TBC1D8B: variants seen among roughly 807,000 people sequenced by gnomAD.
TBC1D8B encodes the protein RP11-321G1.1.
In TBC1D8B, 75 loss-of-function variants were observed where a neutral mutation model predicts 82.9. The observed-to-expected ratio is 0.90, with a 90% confidence interval of 0.75 to 1.10. The LOEUF is 1.10. Ranked by LOEUF, TBC1D8B falls within the 50% of genes least tolerant of loss-of-function variation. The pLI, the probability that TBC1D8B is intolerant of heterozygous loss-of-function variation, is 0.00. For missense variants in TBC1D8B, 794 were observed against 796.9 expected, an observed-to-expected ratio of 1.00 and a Z score of 0.04; for synonymous variants, 276 against 276.8, an observed-to-expected ratio of 1.00 and a Z score of 0.03.
chrX:106,847,710 A>G (rs1329410156), intron 10 of TBC1D8B, among the ~76,000 whole-genome samples: 2 of 111,483 alleles, frequency 1.8e-5, no homozygotes, highest in African/African-American at 3.3e-5. Context: ...CAAAACTAGG[A>G]TAGGTAAGAA....
chrX:106,862,627 C>G (rs1392582995), intron 14 of TBC1D8B, among the ~76,000 whole-genome samples: 1 of 110,429 alleles, frequency 9.1e-6, no homozygotes, highest in Non-Finnish European at 1.9e-5. Flanking sequence ...CTAAGAACCA[C>G]TGCTGGGGAA....
chrX:106,813,063 G>T (rs1448537339), intron 1 of TBC1D8B, among the ~76,000 whole-genome samples: 2 of 111,287 alleles, frequency 1.8e-5, no homozygotes, highest in Non-Finnish European at 3.8e-5. Context: ...TCACCATATT[G>T]GTCAGGCTGG....
At chrX:106,824,868 T>G (rs1367112706) in intron 5 of TBC1D8B, among the ~76,000 whole-genome samples, 2 of 111,847 alleles carry the variant, frequency 1.8e-5, no homozygotes, top group Non-Finnish European at 3.8e-5. Context: ...ATTGCTCTGC[T>G]TATTGTTTTT....
chrX:106,836,339 A>G (rs1253892118), intron 7 of TBC1D8B, among the ~76,000 whole-genome samples: 2 of 111,478 alleles, frequency 1.8e-5, no homozygotes, highest in Non-Finnish European at 3.8e-5. Flanking sequence ...ATCTGGTCCC[A>G]TGCTTGACAC....
Position 106,839,197 on chromosome X carries a change from ATTTG to A in TBC1D8B, c.1204-108_1204-105del. On this transcript the variant is annotated intron_variant, in intron 7 of 20. Transcript: ENST00000357242. ...TATGTCTCTGAGATATTGCTTTAATATTTGTTATGTATACAGATTGTGGCTTATA... is the reference window on the plus strand; with the variant it reads ...TATGTCTCTGAGATATTGCTTTAATATTATGTATACAGATTGTGGCTTATA... The A allele has an allele frequency of 3.7e-6, 3 of 811,263 alleles. No individual in the cohort carries two copies. The South Asian group carries it at 1.5e-4, about 41-fold the overall frequency. The allele number at this position is 811,263 out of a possible 1,213,427, so 66.9% of individuals were successfully genotyped here.
At chrX:106,821,902 T>C in intron 3 of TBC1D8B, 75 bp from the exon 4 acceptor site, 1 of 851,401 alleles carries the variant, frequency 1.2e-6, no homozygotes, top group East Asian at 3.2e-5. Context: ...TTGTATTCAA[T>C]CAACTGTTTG....
intron 14 of TBC1D8B, among the ~76,000 whole-genome samples, chrX:106,861,121 G>T (rs1169108839): frequency 1.8e-5 from 2 of 111,759 alleles, no homozygotes; most frequent in East Asian, 5.6e-4. Context: ...TTTTGAATTT[G>T]CTGAGGATTG....
chrX:106,837,755 T>C (rs1932207322), intron 7 of TBC1D8B, among the ~76,000 whole-genome samples: 1 of 111,760 alleles, frequency 8.9e-6, no homozygotes, highest in African/African-American at 3.2e-5. Context: ...CATAATGTTC[T>C]CCATGTTCAT....
chrX:106,869,406 G>A (rs1362240698), intron 18 of TBC1D8B, 79 bp from the exon 19 acceptor site: 8 of 868,139 alleles, frequency 9.2e-6, no homozygotes, highest in African/African-American at 6.0e-5. Context: ...GTGCTTATAC[G>A]TCTATATGAA....
At chrX:106,807,792 C>G (rs1426803569) in intron 1 of TBC1D8B, among the ~76,000 whole-genome samples, 2 of 111,481 alleles carry the variant, frequency 1.8e-5, no homozygotes, top group Non-Finnish European at 3.8e-5. Flanking sequence ...GTGGCTCACG[C>G]CTGTAATCCC....
chrX:106,812,137 C>T (rs1931399565), intron 1 of TBC1D8B, among the ~76,000 whole-genome samples: 1 of 111,693 alleles, frequency 9.0e-6, no homozygotes, highest in African/African-American at 3.2e-5. Flanking sequence ...AAAATGCCAA[C>T]TGTGGCTATT....
rs1472593539 is a variant in TBC1D8B, at chrX:106,829,018, C to T, written c.1203+1681C>T. ...AAGTCAAATTGTCCCTGTTTGCAGA[C>T]GACATGATTGTATATCTAGAAAACC... On this transcript the variant is annotated intron_variant, in intron 7 of 20. Coordinates refer to ENST00000357242, the MANE Select transcript of TBC1D8B (RefSeq NM_017752.3). 3.6e-4 allele frequency: 39 copies of T among 107,288 alleles called. 1 individual carries two copies. Among genetic ancestry groups the T allele is most frequent in the East Asian group, 2.6e-3 (9 of 3,497 alleles). 8.8% of individuals were successfully genotyped at this position (107,288 alleles called of 1,213,427 possible). A position where few individuals can be genotyped will look rare whatever the true frequency, so the allele number is the denominator to read the frequency against.
At chrX:106,810,991 G>A (rs191929005) in intron 1 of TBC1D8B, among the ~76,000 whole-genome samples, 5 of 110,882 alleles carry the variant, frequency 4.5e-5, no homozygotes, top group African/African-American at 1.6e-4. Context: ...TCATTCTAAT[G>A]GAAAAAGAAG....
At chrX:106,836,460 C>T (rs1055380537) in intron 7 of TBC1D8B, among the ~76,000 whole-genome samples, 7 of 111,647 alleles carry the variant, frequency 6.3e-5, no homozygotes, top group African/African-American at 2.3e-4. Context: ...ACTAAAGTAC[C>T]ACTGGATTGG....
Position 106,820,967 on chromosome X carries a change from T to C in TBC1D8B, c.332T>C (p.Ile111Thr), listed in dbSNP as rs1931677227. The stretch of plus-strand genomic sequence containing the variant: ...TCTGTATTTGATTCAAATGAAGATA[T>C]TACTAATTTTGTACAAGGAAAAATA... Reference protein sequence around the residue: ...TLSVFDSNEDITNFVQGKIRG... With the variant: ...TLSVFDSNEDTTNFVQGKIRG... The change falls in exon 3 of 21, where the codon ATT becomes ACT. Residue 111 changes from isoleucine to threonine, a missense_variant. Coordinates refer to ENST00000357242, the MANE Select transcript of TBC1D8B (RefSeq NM_017752.3). The C allele has an allele frequency of 8.6e-7, 1 of 1,159,913 alleles. No homozygotes were observed. The highest frequency in any genetic ancestry group is 2.5e-5 in the Admixed American group (1 of 40,633).
At position 106,823,298 on chromosome X, in the gene TBC1D8B, T is replaced by C. The variant is rs755546236; in HGVS notation, c.659T>C (p.Ile220Thr). Residue 220 changes from isoleucine to threonine, a missense_variant, in exon 5 of 21, where the codon ATT becomes ACT. Transcript: ENST00000357242. ...TCAAATGTCATACTGACAGAGAGTA[T>C]TCACGTGTGTTCCCAAGGAGAGAAT... is the stretch of plus-strand genomic sequence containing the variant. ...KTSNVILTES[I>T]HVCSQGENHY... 1 of 1,209,943 alleles carries C rather than the reference T, an allele frequency of 8.3e-7. No individual in the cohort carries two copies. Among genetic ancestry groups the C allele is most frequent in the Admixed American group, 2.2e-5 (1 of 45,864 alleles).
In TBC1D8B at chrX:106,822,215, T is replaced by C. The variant is rs765185516; in HGVS notation, c.586+13T>C. On this transcript the variant is annotated intron_variant, in intron 4 of 20. Transcript: ENST00000357242. ...TTGGGATCAGAAAGTAAGTGGTTTC[T>C]ATTGCTTACTATGGCCTTGAATTTG... The C allele has an allele frequency of 4.9e-5, 56 of 1,154,014 alleles. No homozygotes were observed. Among genetic ancestry groups the C allele is most frequent in the Non-Finnish European group, 5.6e-5 (48 of 856,786 alleles).
intron 1 of TBC1D8B, among the ~76,000 whole-genome samples, chrX:106,808,377 G>A (rs1931257016): frequency 1.8e-5 from 2 of 111,602 alleles, no homozygotes; most frequent in African/African-American, 6.5e-5. Context: ...AGAGAAAGAC[G>A]TTAAAATGCC....
chrX:106,855,651 C>T (rs183260307), intron 14 of TBC1D8B, among the ~76,000 whole-genome samples: 120 of 111,968 alleles, frequency 1.1e-3, no homozygotes, highest in Admixed American at 6.6e-3. Flanking sequence ...ATATGTCTCC[C>T]TTTTTTGCTC....
Sources: gnomAD v4.1 joint callset for allele counts (sites outside exome capture counted in the v4.1 genomes callset) on GRCh38, gnomAD v4.1.1 for gene constraint, MANE v1.5 for transcripts, NCBI Gene and HGNC (gene_info 2026-07-23, HGNC 2026-07-21) for gene names.